Variants in KCNH8 observed in about 807,000 individuals in gnomAD.
The protein encoded by KCNH8 is potassium voltage-gated channel subfamily H member 8, also known as voltage-gated delayed rectifier potassium channel KCNH8.
In KCNH8, 70 loss-of-function variants were observed where a neutral mutation model predicts 103.6. The ratio of observed to expected loss-of-function variants is 0.68; its 90% CI spans 0.56 to 0.82. KCNH8 has a LOEUF of 0.82. Ranked by LOEUF, KCNH8 falls within the 40% of genes least tolerant of loss-of-function variation. The pLI is 0.00. For synonymous variants in KCNH8, 498 were observed against 489.4 expected (o/e 1.02, Z -0.23); for missense variants, 1,217 against 1,329.9 (o/e 0.92, Z 1.32).
At chr3:19,288,178 CTTCTTTT>C (rs1264672243) in intron 3 of KCNH8, among the ~76,000 whole-genome samples, 5 of 79,150 alleles carry the variant, frequency 6.3e-5, no homozygotes, top group African/African-American at 3.5e-4. Flanking sequence ...GTGTATCAAA[CTTCTTTT>C]TTTTTTTTTT....
At chr3:19,366,378 G>A (rs1372942404) in intron 5 of KCNH8, among the ~76,000 whole-genome samples, 1 of 152,024 alleles carries the variant, frequency 6.6e-6, no homozygotes, top group African/African-American at 2.4e-5. Context: ...CAAATATGAA[G>A]GAAAATTGTC....
chr3:19,416,296 T>G (rs2066862457), intron 7 of KCNH8, among the ~76,000 whole-genome samples: 1 of 152,128 alleles, frequency 6.6e-6, no homozygotes, highest in Admixed American at 6.6e-5. Context: ...CTTTTGAATT[T>G]AATTATACAC....
At chr3:19,283,797 C>G (rs1369804613) in intron 3 of KCNH8, among the ~76,000 whole-genome samples, 1 of 150,390 alleles carries the variant, frequency 6.6e-6, no homozygotes, top group Non-Finnish European at 1.5e-5. Context: ...TAAAAATTAG[C>G]CAGGTCATGG....
intron 1 of KCNH8, among the ~76,000 whole-genome samples, chr3:19,183,004 A>G (rs1559412425): frequency 6.6e-6 from 1 of 152,242 alleles, no homozygotes; most frequent in Non-Finnish European, 1.5e-5. Flanking sequence ...CTTCTTCATT[A>G]TGAAACATCA....
chr3:19,336,741 A>G (rs1386021759), intron 3 of KCNH8, among the ~76,000 whole-genome samples: 2 of 151,994 alleles, frequency 1.3e-5, no homozygotes, highest in Non-Finnish European at 2.9e-5. Context: ...ACTTTATTGT[A>G]ATTTTTTAAA....
intron 5 of KCNH8, among the ~76,000 whole-genome samples, chr3:19,358,155 CCTTT>C (rs1411736029): frequency 6.8e-6 from 1 of 146,434 alleles, no homozygotes; most frequent in Admixed American, 6.8e-5. Flanking sequence ...TTCCTTCCTT[CCTTT>C]CTTCCTTCCT....
At chr3:19,506,217 G>T (rs2068689841) in intron 11 of KCNH8, among the ~76,000 whole-genome samples, 1 of 152,168 alleles carries the variant, frequency 6.6e-6, no homozygotes, top group Non-Finnish European at 1.5e-5. Flanking sequence ...TTGTTTGGAG[G>T]AAAGAGGCCA....
chr3:19,391,180 A>G (rs1279795849), intron 6 of KCNH8, among the ~76,000 whole-genome samples: 1 of 152,116 alleles, frequency 6.6e-6, no homozygotes, highest in African/African-American at 2.4e-5. Context: ...AAAAATCTAA[A>G]TCATATGACT....
intron 3 of KCNH8, among the ~76,000 whole-genome samples, chr3:19,298,857 G>C (rs2065027975): frequency 6.8e-6 from 1 of 147,892 alleles, no homozygotes; most frequent in Non-Finnish European, 1.5e-5. Flanking sequence ...GGGAGGCGCA[G>C]CTTGCAGTGA....
chr3:19,184,055 C>T (rs1305889266), intron 1 of KCNH8, among the ~76,000 whole-genome samples: 4 of 152,030 alleles, frequency 2.6e-5, no homozygotes, highest in Non-Finnish European at 5.9e-5. Flanking sequence ...TAAGCATGCT[C>T]TTTGACAGAA....
intron 11 of KCNH8, among the ~76,000 whole-genome samples, chr3:19,483,094 G>T (rs2068124083): frequency 6.6e-6 from 1 of 151,940 alleles, no homozygotes; most frequent in Admixed American, 6.6e-5. Context: ...CATAGACAGG[G>T]AAGCTAGGAG....
chr3:19,393,324 T>C (rs1195243502), intron 6 of KCNH8, among the ~76,000 whole-genome samples: 4 of 152,058 alleles, frequency 2.6e-5, no homozygotes, highest in Admixed American at 1.3e-4. Context: ...ATAATTTCTT[T>C]AATGCCAGTT....
At chr3:19,336,914 GGA>G (rs1453196420) in intron 3 of KCNH8, among the ~76,000 whole-genome samples, 1 of 151,892 alleles carries the variant, frequency 6.6e-6, no homozygotes, top group Non-Finnish European at 1.5e-5. Flanking sequence ...AATGACAACT[GGA>G]GAGAGAGTAT....
intron 3 of KCNH8, among the ~76,000 whole-genome samples, chr3:19,309,504 C>T (rs898017763): frequency 6.6e-6 from 1 of 151,906 alleles, no homozygotes; most frequent in African/African-American, 2.4e-5. Flanking sequence ...AACATCTAGA[C>T]ACAGAAAGGT....
At chr3:19,434,444 T>C (rs1475384626) in intron 7 of KCNH8, among the ~76,000 whole-genome samples, 2 of 152,204 alleles carry the variant, frequency 1.3e-5, no homozygotes, top group Non-Finnish European at 2.9e-5. Flanking sequence ...CTGATATCTC[T>C]CAGTCACTTC....
intron 7 of KCNH8, among the ~76,000 whole-genome samples, chr3:19,405,475 T>A (rs2066677896): frequency 6.6e-6 from 1 of 152,014 alleles, no homozygotes; most frequent in South Asian, 2.1e-4. Flanking sequence ...ATCCATAGTC[T>A]TTTTAGCTAC....
intron 7 of KCNH8, among the ~76,000 whole-genome samples, chr3:19,405,058 T>A (rs1250569402): frequency 1.3e-5 from 2 of 151,924 alleles, no homozygotes; most frequent in Non-Finnish European, 2.9e-5. Flanking sequence ...AAAATCTAAC[T>A]GGCATTTTAA....
chr3:19,235,021 C>T (rs79011377), intron 1 of KCNH8, among the ~76,000 whole-genome samples: 9,627 of 152,138 alleles, frequency 0.063, 1,029 homozygotes, highest in African/African-American at 0.22. Context: ...ATGTATAGTT[C>T]GCGCTTATCT....
At chr3:19,309,347 T>A (rs1487012224) in intron 3 of KCNH8, among the ~76,000 whole-genome samples, 1 of 151,960 alleles carries the variant, frequency 6.6e-6, no homozygotes, top group Non-Finnish European at 1.5e-5. Context: ...ATATCAAACT[T>A]GACTCTGGAA....
Sources: gnomAD v4.1 joint callset for allele counts (sites outside exome capture counted in the v4.1 genomes callset) on GRCh38, gnomAD v4.1.1 for gene constraint, MANE v1.5 for transcripts, NCBI Gene and HGNC (gene_info 2026-07-23, HGNC 2026-07-21) for gene names.